The following DNAH14 variants were observed in gnomAD, a reference collection of about 807,000 sequenced individuals.
DNAH14 encodes the protein dynein axonemal heavy chain 14.
DNAH14 carries 478 observed loss-of-function variants against 520.9 expected under a neutral mutation model. The ratio of observed to expected loss-of-function variants is 0.92; its 90% CI spans 0.85 to 0.99. DNAH14 has a LOEUF of 0.99. DNAH14 is among the 50% of genes least tolerant of loss of function. The probability of loss-of-function intolerance (pLI) is 0.00; values close to 1 mark genes in which losing one functional copy is unlikely to be tolerated. For missense variants in DNAH14, 4,831 were observed against 5,234.5 expected, an observed-to-expected ratio of 0.92 and a Z score of 2.38; for synonymous variants, 1,581 against 1,757.2, an observed-to-expected ratio of 0.90 and a Z score of 2.51.
At chr1:225,253,322 A>G (rs2092623080) in intron 44 of DNAH14, among the ~76,000 whole-genome samples, 2 of 152,140 alleles carry the variant, frequency 1.3e-5, no homozygotes, top group African/African-American at 4.8e-5. Flanking sequence ...GTGACTCCAC[A>G]TCTTAGTATA....
At chr1:225,104,956 TA>T (rs1558971828) in intron 23 of DNAH14, among the ~76,000 whole-genome samples, 1 of 152,222 alleles carries the variant, frequency 6.6e-6, no homozygotes, top group Non-Finnish European at 1.5e-5. Context: ...CTTGCTTCTC[TA>T]GTTCTTTTAA....
At chr1:224,985,546 T>C (rs1282563551) in intron 8 of DNAH14, among the ~76,000 whole-genome samples, 2 of 151,308 alleles carry the variant, frequency 1.3e-5, no homozygotes, top group East Asian at 3.9e-4. Context: ...TGCACCAGGT[T>C]CTCACAGATC....
chr1:225,291,014 C>T (rs2093876587), intron 55 of DNAH14, among the ~76,000 whole-genome samples: 1 of 151,856 alleles, frequency 6.6e-6, no homozygotes, highest in African/African-American at 2.4e-5. Flanking sequence ...AAATCCCTCC[C>T]TATCCTTCTC....
chr1:224,978,465 A>G (rs1439896760), intron 8 of DNAH14, among the ~76,000 whole-genome samples: 1 of 152,198 alleles, frequency 6.6e-6, no homozygotes, highest in Non-Finnish European at 1.5e-5. Context: ...TTGAACTCAT[A>G]GAAGTGGAGA....
chr1:225,367,221 C>G (rs1018108482), intron 76 of DNAH14, among the ~76,000 whole-genome samples: 1 of 152,108 alleles, frequency 6.6e-6, no homozygotes, highest in African/African-American at 2.4e-5. Flanking sequence ...CCAGTTGATT[C>G]CCTCCCCACC....
intron 27 of DNAH14, among the ~76,000 whole-genome samples, chr1:225,124,805 A>G (rs969469842): frequency 2.0e-5 from 3 of 152,034 alleles, no homozygotes; most frequent in Admixed American, 6.6e-5. Flanking sequence ...AAGGTTTTCT[A>G]TTTACTTTGC....
At chr1:224,975,097 G>A (rs1472713535) in intron 8 of DNAH14, among the ~76,000 whole-genome samples, 1 of 151,794 alleles carries the variant, frequency 6.6e-6, no homozygotes, top group East Asian at 1.9e-4. Context: ...TGGTGGATAA[G>A]CTTTTTGATG....
chr1:225,280,971 T>C (rs10465527), intron 54 of DNAH14, among the ~76,000 whole-genome samples: 6,286 of 152,258 alleles, frequency 0.041, 432 homozygotes, highest in African/African-American at 0.14. Context: ...AGTAAATTTT[T>C]AGGGTGAGGG....
intron 30 of DNAH14, among the ~76,000 whole-genome samples, chr1:225,146,340 G>A (rs115286952): frequency 5.3e-4 from 80 of 152,242 alleles, no homozygotes; most frequent in African/African-American, 1.8e-3. Context: ...TACTCATTCC[G>A]ATTCCCACTT....
chr1:225,353,388 A>G (rs182055802), intron 72 of DNAH14, among the ~76,000 whole-genome samples: 3 of 152,254 alleles, frequency 2.0e-5, no homozygotes, highest in Admixed American at 1.3e-4. Flanking sequence ...CATTTCCCAT[A>G]TCGTTATAGC....
At chr1:225,015,620 A>G (rs1328400976) in intron 10 of DNAH14, among the ~76,000 whole-genome samples, 1 of 152,234 alleles carries the variant, frequency 6.6e-6, no homozygotes, top group East Asian at 1.9e-4. Flanking sequence ...ATACACACAC[A>G]ATACCTTTAA....
At position 225,101,731 on chromosome 1, in the gene DNAH14, A is replaced by G. The variant is rs147373958; in HGVS notation, c.3867+847A>G. ...CCGAATAGTACTCCATTTTGTATAT[A>G]TACCACATTTTCTTTATCCATTCAT... is the stretch of plus-strand genomic sequence containing the variant. On this transcript the variant is annotated intron_variant, in intron 23 of 85. Coordinates refer to ENST00000682510, the MANE Select transcript of DNAH14 (RefSeq NM_001367479.1). Among the ~76,000 whole-genome samples, 318 of 152,238 alleles carry G rather than the reference A, an allele frequency of 2.1e-3. 1 individual carries two copies. Among genetic ancestry groups the G allele is most frequent in the African/African-American group, 7.3e-3 (304 of 41,554 alleles).
chr1:225,174,343 C>G (rs1218146908), intron 36 of DNAH14, among the ~76,000 whole-genome samples: 1 of 151,928 alleles, frequency 6.6e-6, no homozygotes, highest in Non-Finnish European at 1.5e-5. Context: ...TTATTTGTGT[C>G]CTGTTTACTT....
At chr1:224,992,875 A>G (rs2063151933) in intron 8 of DNAH14, among the ~76,000 whole-genome samples, 1 of 152,032 alleles carries the variant, frequency 6.6e-6, no homozygotes, top group African/African-American at 2.4e-5. Flanking sequence ...TTGAGGTACA[A>G]TCCTTCTATC....
intron 47 of DNAH14, among the ~76,000 whole-genome samples, chr1:225,264,462 T>G (rs1351454562): frequency 1.3e-5 from 2 of 152,146 alleles, no homozygotes; most frequent in African/African-American, 4.8e-5. Flanking sequence ...AGAGGAGTAT[T>G]ACATCTGCTG....
rs1235801358 is a variant in DNAH14, at chr1:225,391,928, T to C, written c.13331-363T>C. 2.6e-5 allele frequency among the ~76,000 whole-genome samples: 4 copies of C among 152,130 alleles called. No individual in the cohort carries two copies. In the East Asian group the frequency reaches 7.7e-4, roughly 29 times the overall value. ...ACTCTGACACACTTGGTCTTGTACT[T>C]GCCCCTGGGTCCCATCTTTGTTGCC... On this transcript the variant is annotated intron_variant, in intron 83 of 85. Coordinates refer to ENST00000682510, the MANE Select transcript of DNAH14 (RefSeq NM_001367479.1).
intron 37 of DNAH14, among the ~76,000 whole-genome samples, chr1:225,190,206 A>G (rs1244539221): frequency 2.0e-5 from 3 of 152,024 alleles, no homozygotes; most frequent in Non-Finnish European, 4.4e-5. Context: ...ACAGTAAAAG[A>G]TGAACAATGA....
chr1:225,209,016 T>C (rs1268143797), intron 41 of DNAH14, among the ~76,000 whole-genome samples: 9 of 152,304 alleles, frequency 5.9e-5, no homozygotes, highest in East Asian at 5.8e-4. Flanking sequence ...ACATTAGATC[T>C]TTTACATTTT....
At chr1:225,394,109 G>A (rs1031068651) in intron 84 of DNAH14, among the ~76,000 whole-genome samples, 11 of 152,138 alleles carry the variant, frequency 7.2e-5, no homozygotes, top group African/African-American at 2.2e-4. Flanking sequence ...ATGAGCCACC[G>A]CGCCCGGCCA....
Sources: allele counts gnomAD v4.1 joint callset (sites outside exome capture counted in the v4.1 genomes callset), GRCh38; gene constraint gnomAD v4.1.1; transcripts MANE v1.5; gene names NCBI Gene and HGNC (gene_info 2026-07-23, HGNC 2026-07-21).